SYT14: variants seen among roughly 807,000 people sequenced by gnomAD.
The protein encoded by SYT14 is synaptotagmin 14.
In SYT14, 32 loss-of-function variants were observed where a neutral mutation model predicts 74.2. That is an observed-to-expected ratio of 0.43 (90% confidence interval 0.33 to 0.58). The LOEUF (loss-of-function observed/expected upper bound fraction) is 0.58. Ranked by LOEUF, SYT14 falls within the 20% of genes least tolerant of loss-of-function variation. SYT14 has a pLI of 0.05. For synonymous variants in SYT14, 298 were observed against 337.7 expected (o/e 0.88, Z 1.29); for missense variants, 791 against 981.8 (o/e 0.81, Z 2.60).
At chr1:210,038,653 A>G (rs1373471131) in intron 5 of SYT14, among the ~76,000 whole-genome samples, 3 of 152,076 alleles carry the variant, frequency 2.0e-5, no homozygotes, top group Admixed American at 6.6e-5. Context: ...TGTTTGGGAA[A>G]GACTATTCTC....
At chr1:210,032,292 T>G (rs2080555716) in intron 5 of SYT14, among the ~76,000 whole-genome samples, 1 of 152,046 alleles carries the variant, frequency 6.6e-6, no homozygotes. Flanking sequence ...GAAAAATAAT[T>G]AAATAAGCAG....
At chr1:210,107,203 A>G (rs978267986) in intron 7 of SYT14, among the ~76,000 whole-genome samples, 1 of 152,248 alleles carries the variant, frequency 6.6e-6, no homozygotes, top group East Asian at 1.9e-4. Flanking sequence ...TGGGTGAGGC[A>G]GTTCTTTACA....
At chr1:209,955,720 A>G (rs1452819842) in intron 2 of SYT14, among the ~76,000 whole-genome samples, 1 of 152,202 alleles carries the variant, frequency 6.6e-6, no homozygotes, top group Non-Finnish European at 1.5e-5. Flanking sequence ...CTACAAAGAC[A>G]TTATAGTATC....
At chr1:210,111,617 G>C (rs1450335722) in intron 7 of SYT14, among the ~76,000 whole-genome samples, 1 of 151,262 alleles carries the variant, frequency 6.6e-6, no homozygotes, top group Non-Finnish European at 1.5e-5. Flanking sequence ...TAAGCTGAAG[G>C]AAGATTTTGT....
At chr1:210,051,030 C>G (rs945932694) in intron 5 of SYT14, among the ~76,000 whole-genome samples, 1 of 152,156 alleles carries the variant, frequency 6.6e-6, no homozygotes, top group African/African-American at 2.4e-5. Flanking sequence ...CATCTAGGCT[C>G]TTTTAGTGAA....
chr1:210,153,592 A>G (rs958090341), intron 7 of SYT14, among the ~76,000 whole-genome samples: 2 of 152,120 alleles, frequency 1.3e-5, no homozygotes, highest in African/African-American at 4.8e-5. Context: ...ATATATAGTA[A>G]TGTATGGATT....
At chr1:210,016,966 A>G in exon 4 of SYT14, 4 of 1,231,864 alleles carry the variant, frequency 3.2e-6, no homozygotes, top group Non-Finnish European at 4.0e-6. Context: ...GGAAAATTGA[A>G]GAACAAATAA....
intron 7 of SYT14, among the ~76,000 whole-genome samples, chr1:210,109,212 C>A (rs2082214251): frequency 6.6e-6 from 1 of 152,228 alleles, no homozygotes; most frequent in South Asian, 2.1e-4. Context: ...CTCATCATTA[C>A]TAGGCATTAG....
Position 209,993,062 on chromosome 1 carries a change from G to A in SYT14, c.-485-20571G>A, listed in dbSNP as rs574182011. Among the ~76,000 whole-genome samples, 9 of 152,296 alleles carry A rather than the reference G, an allele frequency of 5.9e-5. No individual in the cohort carries two copies. In the South Asian group the frequency reaches 1.9e-3, roughly 32 times the overall value. On this transcript the variant is annotated intron_variant, in intron 2 of 9. Transcript: ENST00000637265. ...TGCGAGCTGGCAGAGGGATCTTGCT[G>A]GGGATAGGCAGAGACTAATTTTCAG...
chr1:210,020,168 A>G (rs1409899975), intron 4 of SYT14, among the ~76,000 whole-genome samples: 2 of 152,156 alleles, frequency 1.3e-5, no homozygotes, highest in South Asian at 2.1e-4. Flanking sequence ...TTTTTCTCAT[A>G]ACATGATATT....
intron 2 of SYT14, among the ~76,000 whole-genome samples, chr1:210,000,609 CCTT>C (rs1410645513): frequency 1.7e-5 from 2 of 121,188 alleles, no homozygotes; most frequent in Non-Finnish European, 3.1e-5. Flanking sequence ...CTGTTTTATG[CCTT>C]CTTTTTTTTT....
Position 210,100,532 on chromosome 1 carries a change from C to T in SYT14, c.2034+71C>T, listed in dbSNP as rs539318050. On this transcript the variant is annotated intron_variant, in intron 7 of 9. Transcript: ENST00000637265. Reference sequence around the variant, plus strand: ...TTATAGTATGCACAATTTTAAAAATCTTTAATCAAGCCAACAAGTTTGTCA... The same window carrying T: ...TTATAGTATGCACAATTTTAAAAATTTTTAATCAAGCCAACAAGTTTGTCA... The T allele has an allele frequency of 7.7e-5, 115 of 1,487,096 alleles. 1 individual carries two copies. The East Asian group carries it at 2.2e-3, about 28-fold the overall frequency. The allele number at this position is 1,487,096 out of a possible 1,614,324, so 92.1% of individuals were successfully genotyped here.
intron 5 of SYT14, among the ~76,000 whole-genome samples, chr1:210,088,199 GTTT>G (rs58313430): frequency 7.0e-6 from 1 of 141,966 alleles, no homozygotes; most frequent in African/African-American, 2.6e-5. Context: ...TTTACAGTGA[GTTT>G]TTTTTTTTTA....
intron 5 of SYT14, among the ~76,000 whole-genome samples, chr1:210,083,892 A>G (rs1480654088): frequency 2.6e-5 from 4 of 152,032 alleles, no homozygotes; most frequent in African/African-American, 9.6e-5. Flanking sequence ...TTTTGTAGAG[A>G]CGGAGTCTCA....
chr1:210,154,258 C>T (rs1168645029), intron 7 of SYT14, among the ~76,000 whole-genome samples: 6 of 152,096 alleles, frequency 3.9e-5, no homozygotes, highest in Non-Finnish European at 5.9e-5. Context: ...TCCAACCCCC[C>T]GGCCACAGAC....
At chr1:210,137,636 T>G (rs1227971961) in intron 7 of SYT14, among the ~76,000 whole-genome samples, 1 of 152,006 alleles carries the variant, frequency 6.6e-6, no homozygotes, top group Non-Finnish European at 1.5e-5. Context: ...TGAACCATGT[T>G]CTCCAGAAAT....
At chr1:209,973,946 T>G (rs1186893190) in intron 2 of SYT14, among the ~76,000 whole-genome samples, 1 of 152,220 alleles carries the variant, frequency 6.6e-6, no homozygotes, top group African/African-American at 2.4e-5. Context: ...TTGATTTGCA[T>G]TTCTCTGATT....
intron 5 of SYT14, among the ~76,000 whole-genome samples, chr1:210,057,156 T>C (rs1002570234): frequency 6.6e-6 from 1 of 152,136 alleles, no homozygotes. Context: ...CAGTTGATAT[T>C]GATAATTGAA....
exon 10 of SYT14, chr1:210,169,035 T>C (rs537212997): frequency 1.3e-5 from 2 of 152,214 alleles, no homozygotes; most frequent in South Asian, 4.1e-4. Context: ...TTTGGTGTCC[T>C]CCCTTCTCCC....
Sources: allele counts gnomAD v4.1 joint callset (sites outside exome capture counted in the v4.1 genomes callset), GRCh38; gene constraint gnomAD v4.1.1; transcripts MANE v1.5; gene names NCBI Gene and HGNC (gene_info 2026-07-23, HGNC 2026-07-21).